The following DGKA variants were observed in gnomAD, a reference collection of about 807,000 sequenced individuals.
The protein encoded by DGKA is diacylglycerol kinase alpha.
DGKA carries 35 observed loss-of-function variants against 105.0 expected under a neutral mutation model. That is an observed-to-expected ratio of 0.33 (90% CI 0.25 to 0.44). The LOEUF (loss-of-function observed/expected upper bound fraction) is 0.44, where lower values mean the gene tolerates loss of function less well. DGKA is among the 20% of genes least tolerant of loss of function. DGKA has a pLI of 1.00. For missense variants in DGKA, 665 were observed against 915.0 expected (o/e 0.73, Z 3.53); for synonymous variants, 296 against 332.0 (o/e 0.89, Z 1.18).
chr12:55,950,488 A>G (rs2136402401), intron 17 of DGKA, among the ~76,000 whole-genome samples: 1 of 148,156 alleles, frequency 6.7e-6, no homozygotes, highest in South Asian at 2.1e-4. Flanking sequence ...TTGTATTTTT[A>G]GTAGAGACAG....
Position 55,932,129 on chromosome 12 carries a change from G to A in DGKA, c.-82+785G>A, listed in dbSNP as rs1883701256. 2 of 198,104 alleles carry A rather than the reference G, an allele frequency of 1.0e-5. No individual in the cohort carries two copies. Among genetic ancestry groups the A allele is most frequent in the African/African-American group, 4.6e-5 (2 of 43,034 alleles). The allele number at this position is 198,104 out of a possible 1,614,324, so 12.3% of individuals were successfully genotyped here. A position where few individuals can be genotyped will look rare whatever the true frequency, so the allele number is the denominator to read the frequency against. On this transcript the variant is annotated intron_variant, in intron 1 of 23. Transcript: ENST00000331886. This position sits in a 1 kb window ranked among gnomAD's most constrained non-coding sequence, Gnocchi z 4.3. ...CGCGAGCCCTCTCAAGCAAGGTAGA[G>A]ACCCCGCGAGCCCCCCAGCGCCCCA... is the stretch of plus-strand genomic sequence containing the variant.
chr12:55,935,737 C>A (rs771185409), intron 1 of DGKA: 23 of 267,648 alleles, frequency 8.6e-5, no homozygotes, highest in Non-Finnish European at 1.3e-4. Context: ...CCCTACCCCG[C>A]GCCTAGTTCC....
In DGKA at chr12:55,953,066, G is replaced by T; in HGVS notation, c.1969G>T (p.Val657Phe). The T allele has an allele frequency of 6.2e-7, 1 of 1,614,150 alleles. No individual in the cohort carries two copies. Among genetic ancestry groups the T allele is most frequent in the Non-Finnish European group, 8.5e-7 (1 of 1,180,026 alleles). Residue 657 changes from valine (V) to phenylalanine (F), a missense_variant, in exon 22 of 24, where the codon GTT (valine) becomes TTT (phenylalanine). This residue lies in a region of DGKA where 158 missense variants were observed against 213.4 expected (regional missense o/e 0.74). Coordinates refer to ENST00000331886, the MANE Select transcript of DGKA (RefSeq NM_001345.5). ...CCTAAGTGACAAGAGACTGGAAGTG[G>T]TTGGGCTGGAGGGTGCAATTGAGAT... Reference protein sequence around the residue: ...PDLSDKRLEVVGLEGAIEMGQ... With the variant: ...PDLSDKRLEVFGLEGAIEMGQ...
chr12:55,938,862 G>C, intron 6 of DGKA, 53 bp from the exon 7 acceptor site: 2 of 1,606,482 alleles, frequency 1.2e-6, no homozygotes, highest in Non-Finnish European at 8.5e-7. Context: ...AAAAGAGTTT[G>C]GATGGTGGTA....
chr12:55,937,685 C>A (rs1021021759), intron 4 of DGKA, 142 bp downstream of exon 4: 44 of 1,137,888 alleles, frequency 3.9e-5, no homozygotes, highest in Admixed American at 5.0e-5. Context: ...GGTCTAGGAG[C>A]TAAAGGGAGG....
chr12:55,951,655 A>C lies in DGKA; in HGVS notation c.1459A>C (p.Lys487Gln), dbSNP rs1202098831. The C allele has an allele frequency of 6.2e-7, 1 of 1,613,910 alleles. No individual in the cohort carries two copies. Among genetic ancestry groups the C allele is most frequent in the Non-Finnish European group, 8.5e-7 (1 of 1,180,018 alleles). The change falls in exon 18 of 24, where the codon AAG (lysine) becomes CAG (glutamine). Residue 487 changes from lysine to glutamine, a missense_variant. Lys to Gln is a moderately conservative substitution (Grantham distance 53, BLOSUM62 1). Coordinates refer to ENST00000331886, the MANE Select transcript of DGKA (RefSeq NM_001345.5). ...YEGQNLAKIL[K>Q]DLEMSKVVHM... The stretch of plus-strand genomic sequence containing the variant: ...AGGACAGAATCTGGCAAAGATCCTC[A>C]AGGATTTAGAGATGAGTAAAGTGGT...
intron 7 of DGKA, 31 bp downstream of exon 7, chr12:55,939,020 T>A (rs1885347042): frequency 1.2e-6 from 2 of 1,613,936 alleles, no homozygotes; most frequent in East Asian, 4.5e-5. Flanking sequence ...TGTCCCTTCT[T>A]GTACCTTCTT....
intron 8 of DGKA, 22 bp downstream of exon 8, chr12:55,939,327 G>C (rs1397182153): frequency 1.2e-6 from 2 of 1,612,994 alleles, no homozygotes; most frequent in African/African-American, 1.3e-5. Context: ...AGACTTTGGG[G>C]GATGAGTAAG....
At position 55,938,486 on chromosome 12, in the gene DGKA, C is replaced by A. The variant is rs752744223; in HGVS notation, c.350-25C>A. The A allele has an allele frequency of 1.9e-6, 3 of 1,613,546 alleles. No individual in the cohort carries two copies. The East Asian group carries it at 6.7e-5, about 36-fold the overall frequency. Reference sequence around the variant, plus strand: ...TTTGGGTATCTCTCACAAACTGACCCTGGCCCCCCTAAAACACCCCACAGT... The same window carrying A: ...TTTGGGTATCTCTCACAAACTGACCATGGCCCCCCTAAAACACCCCACAGT... On this transcript the variant is annotated intron_variant, in intron 5 of 23. Coordinates refer to ENST00000331886, the MANE Select transcript of DGKA (RefSeq NM_001345.5).
chr12:55,939,525 T>C lies in DGKA; in HGVS notation c.705T>C (p.Cys235=), dbSNP rs1359274684. ...SIGLGKQGLS[C]NLCKYTVHDQ... The stretch of plus-strand genomic sequence containing the variant: ...GTCTTGGCAAACAGGGACTGAGCTG[T>C]AACCGTGAGTAATGGGAGCTGGGAG... Residue 235 remains cysteine (C), a synonymous_variant, in exon 9 of 24, where the codon TGT becomes TGC. Coordinates refer to ENST00000331886, the MANE Select transcript of DGKA (RefSeq NM_001345.5). 2.5e-6 allele frequency: 4 copies of C among 1,613,906 alleles called. No homozygotes were observed. Among genetic ancestry groups the C allele is most frequent in the African/African-American group, 2.7e-5 (2 of 74,902 alleles).
upstream of DGKA, chr12:55,927,677 G>A (rs1012490252): frequency 6.5e-7 from 1 of 1,536,654 alleles, no homozygotes; most frequent in Non-Finnish European, 8.7e-7. Flanking sequence ...AACCACCAGA[G>A]ACCCGCGGGA....
chr12:55,953,468 C>T, intron 23 of DGKA, 58 bp downstream of exon 23: 1 of 1,548,396 alleles, frequency 6.5e-7, no homozygotes, highest in South Asian at 1.1e-5. Flanking sequence ...GATCCTAAAT[C>T]CCCATTCCAC....
chr12:55,927,714 G>T, upstream of DGKA: 1 of 1,539,542 alleles, frequency 6.5e-7, no homozygotes. Flanking sequence ...AGGGCGCCGC[G>T]GGTCGGTCAC....
Position 55,938,057 on chromosome 12 carries a change from G to A in DGKA, c.349+5G>A, listed in dbSNP as rs1465916678. Reference sequence around the variant, plus strand: ...GGCCAGAAGACAAGTTAGAATGTGAGTTGCCCTTCTGAAGTGAGGTGGCAG... The same window carrying A: ...GGCCAGAAGACAAGTTAGAATGTGAATTGCCCTTCTGAAGTGAGGTGGCAG... On this transcript the variant is annotated splice_donor_5th_base_variant and intron_variant, in intron 5 of 23. Transcript: ENST00000331886. 1 of 1,613,720 alleles carries A rather than the reference G, an allele frequency of 6.2e-7. No individual in the cohort carries two copies.
rs756394051 is a variant in DGKA, at chr12:55,952,104, G to C, written c.1652+5G>C. The C allele has an allele frequency of 6.2e-7, 1 of 1,614,100 alleles. No homozygotes were observed. Among genetic ancestry groups the C allele is most frequent in the South Asian group, 1.1e-5 (1 of 91,078 alleles). ...TCCGGAGAAGTTCAACAGCAGGTTA[G>C]GGAAAGGAGGGGGCAGTGTGGGCAT... On this transcript the variant is annotated splice_donor_5th_base_variant and intron_variant, in intron 19 of 23. Transcript: ENST00000331886. This position sits in a 1 kb window ranked among gnomAD's most constrained non-coding sequence, Gnocchi z 5.1.
rs73336395 is a variant in DGKA at position 55,940,834 on chromosome 12, C to T, written c.1018-63C>T. The T allele has an allele frequency of 6.3e-7, 1 of 1,597,146 alleles. No homozygotes were observed. The highest frequency in any genetic ancestry group is 8.6e-7 in the Non-Finnish European group (1 of 1,165,284). On this transcript the variant is annotated intron_variant, in intron 12 of 23. Transcript: ENST00000331886. The surrounding 1 kb of genome is among the most constrained non-coding windows in gnomAD (Gnocchi z 4.3). ...CATACTTTTAGGATTCAAGTCAGACCCCTCTATTTAGGGATTCATGCACAA... is the reference window on the plus strand; with the variant it reads ...CATACTTTTAGGATTCAAGTCAGACTCCTCTATTTAGGGATTCATGCACAA...
chr12:55,930,361 T>G (rs1347338373), upstream of DGKA: 8 of 130,778 alleles, frequency 6.1e-5, no homozygotes, highest in African/African-American at 1.6e-4. Context: ...GGCCTTGTTT[T>G]TTTTTTTTTT....
Position 55,952,940 on chromosome 12 carries a change from G to A in DGKA, c.1942+8G>A. On this transcript the variant is annotated splice_region_variant and intron_variant, in intron 21 of 23. Transcript: ENST00000331886. The surrounding 1 kb of genome is among the most constrained non-coding windows in gnomAD (Gnocchi z 5.1). ...TGAAAACCTGTGTACCAGGTGAGAGGAGCAGCCTTGGGAGCTGAGTGGGCA... is the reference window on the plus strand; with the variant it reads ...TGAAAACCTGTGTACCAGGTGAGAGAAGCAGCCTTGGGAGCTGAGTGGGCA... The A allele has an allele frequency of 6.2e-7, 1 of 1,614,162 alleles. No homozygotes were observed. The highest frequency in any genetic ancestry group is 8.5e-7 in the Non-Finnish European group (1 of 1,180,012).
In DGKA at chr12:55,951,959, G is replaced by A. The variant is rs919978006; in HGVS notation, c.1588-76G>A. 4.5e-6 allele frequency: 7 copies of A among 1,570,774 alleles called. No homozygotes were observed. The African/African-American group carries it at 8.1e-5, about 18-fold the overall frequency. ...TGGGACATGCTGTGGGGAGCAGCAT[G>A]GGGACTTGGGAAAGAGGGGAGACCG... On this transcript the variant is annotated intron_variant, in intron 18 of 23. Coordinates refer to ENST00000331886, the MANE Select transcript of DGKA (RefSeq NM_001345.5).
Sources: gnomAD v4.1 joint callset for allele counts (sites outside exome capture counted in the v4.1 genomes callset) on GRCh38, gnomAD v4.1.1 for gene constraint, gnomAD v4.1.1 regional missense constraint, Gnocchi (gnomAD v3.1) non-coding constraint, MANE v1.5 for transcripts, NCBI Gene and HGNC (gene_info 2026-07-23, HGNC 2026-07-21) for gene names.